The following ANO10 variants were observed in gnomAD, a reference collection of about 807,000 sequenced individuals.
ANO10 encodes anoctamin 10.
ANO10 carries 77 observed loss-of-function variants against 74.7 expected under a neutral mutation model. The ratio of observed to expected loss-of-function variants is 1.03; its 90% CI spans 0.86 to 1.25. ANO10 has a LOEUF of 1.25. Among genes scored for constraint, ANO10 ranks in the 50% most tolerant of loss-of-function variants. The probability of loss-of-function intolerance (pLI) is 0.00; values close to 1 mark genes in which losing one functional copy is unlikely to be tolerated. For synonymous variants in ANO10, 279 were observed against 284.9 expected, an observed-to-expected ratio of 0.98 and a Z score of 0.21; for missense variants, 721 against 778.1, an observed-to-expected ratio of 0.93 and a Z score of 0.87.
At chr3:43,618,404 A>G (rs754082016) in intron 1 of ANO10, among the ~76,000 whole-genome samples, 10 of 152,172 alleles carry the variant, frequency 6.6e-5, no homozygotes, top group Non-Finnish European at 1.5e-4. Context: ...CCTCTCACTC[A>G]TGCCTCCATC....
At chr3:43,589,533 G>A (rs2081630224) in intron 4 of ANO10, among the ~76,000 whole-genome samples, 1 of 152,066 alleles carries the variant, frequency 6.6e-6, no homozygotes, top group Admixed American at 6.6e-5. Flanking sequence ...AGAATTGCTT[G>A]AACCTGGGAG....
chr3:43,420,616 T>A (rs2092806165), intron 12 of ANO10, among the ~76,000 whole-genome samples: 3 of 152,166 alleles, frequency 2.0e-5, no homozygotes, highest in Non-Finnish European at 2.9e-5. Flanking sequence ...AGTTTTTTTT[T>A]AAGTGTGGTT....
chr3:43,597,149 C>A (rs2082127098), intron 4 of ANO10, among the ~76,000 whole-genome samples: 2 of 152,210 alleles, frequency 1.3e-5, no homozygotes, highest in South Asian at 4.1e-4. Flanking sequence ...AATAGGAACA[C>A]TTTTACACTG....
At chr3:43,539,514 C>T (rs1019274738) in intron 11 of ANO10, among the ~76,000 whole-genome samples, 9 of 152,106 alleles carry the variant, frequency 5.9e-5, no homozygotes, top group Non-Finnish European at 1.2e-4. Flanking sequence ...GGGTGACGCA[C>T]CTAGCAGGTC....
intron 1 of ANO10, among the ~76,000 whole-genome samples, chr3:43,661,957 G>C (rs2083931470): frequency 6.6e-6 from 1 of 152,030 alleles, no homozygotes; most frequent in African/African-American, 2.4e-5. Context: ...AATAATAATG[G>C]GAGACTGTAA....
intron 1 of ANO10, among the ~76,000 whole-genome samples, chr3:43,637,441 C>A (rs2083624458): frequency 6.6e-6 from 1 of 152,088 alleles, no homozygotes; most frequent in Non-Finnish European, 1.5e-5. Context: ...TGCACTCCAG[C>A]CTGGGCAACA....
chr3:43,551,030 G>A (rs1235107815), intron 10 of ANO10, among the ~76,000 whole-genome samples: 1 of 152,074 alleles, frequency 6.6e-6, no homozygotes, highest in East Asian at 1.9e-4. Flanking sequence ...GACTTTCTGT[G>A]TCAATACTAA....
At chr3:43,403,502 C>T (rs1193677569) in intron 12 of ANO10, among the ~76,000 whole-genome samples, 6 of 152,098 alleles carry the variant, frequency 3.9e-5, no homozygotes, top group Non-Finnish European at 7.4e-5. Context: ...GGAGAAGGGC[C>T]GGCTACTCCA....
chr3:43,592,621 A>G (rs186690943), intron 4 of ANO10, among the ~76,000 whole-genome samples: 129 of 152,300 alleles, frequency 8.5e-4, no homozygotes, highest in African/African-American at 2.8e-3. Flanking sequence ...AAGACCAAAG[A>G]TAGATAAAAT....
At chr3:43,479,024 T>C (rs539124806) in intron 11 of ANO10, among the ~76,000 whole-genome samples, 30 of 152,354 alleles carry the variant, frequency 2.0e-4, no homozygotes, top group African/African-American at 7.2e-4. Context: ...TAGATTATTG[T>C]GTTAATCAAG....
At chr3:43,549,880 G>A (rs764187460) in intron 10 of ANO10, 32 bp from the exon 11 acceptor site, 1 of 1,611,186 alleles carries the variant, frequency 6.2e-7, no homozygotes, top group Non-Finnish European at 8.5e-7. Flanking sequence ...ATTAAAAATT[G>A]CAATGACTGC....
intron 1 of ANO10, among the ~76,000 whole-genome samples, chr3:43,673,212 T>G (rs1449737662): frequency 6.6e-6 from 1 of 152,190 alleles, no homozygotes; most frequent in Non-Finnish European, 1.5e-5. Context: ...AACCAAGTAT[T>G]TATTGCTTCA....
intron 11 of ANO10, among the ~76,000 whole-genome samples, chr3:43,513,075 G>A (rs990713232): frequency 5.3e-5 from 8 of 152,212 alleles, no homozygotes; most frequent in Non-Finnish European, 1.2e-4. Flanking sequence ...GTCTGCAGGT[G>A]ATCTCCCTCA....
intron 12 of ANO10, among the ~76,000 whole-genome samples, chr3:43,416,077 C>A (rs1021709233): frequency 1.3e-5 from 2 of 151,224 alleles, no homozygotes; most frequent in East Asian, 3.9e-4. Context: ...AACAATATTT[C>A]TCACATATGA....
intron 11 of ANO10, among the ~76,000 whole-genome samples, chr3:43,519,623 C>A (rs745987789): frequency 6.6e-6 from 1 of 152,106 alleles, no homozygotes; most frequent in Non-Finnish European, 1.5e-5. Flanking sequence ...AGTGTTCACT[C>A]ATTTTCAAAA....
chr3:43,559,516 A>T (rs2079922639), intron 9 of ANO10, among the ~76,000 whole-genome samples: 1 of 152,182 alleles, frequency 6.6e-6, no homozygotes, highest in African/African-American at 2.4e-5. Context: ...ACAGCAGAAG[A>T]TGTGAAGAGT....
chr3:43,525,443 G>A (rs9829067), intron 11 of ANO10, among the ~76,000 whole-genome samples: 75,082 of 151,980 alleles, frequency 0.49, 20,623 homozygotes, highest in East Asian at 0.83. Context: ...GGTGCTTTGT[G>A]TTCATGCTAG....
chr3:43,369,433 G>A (rs962313763), intron 12 of ANO10, among the ~76,000 whole-genome samples: 3 of 152,268 alleles, frequency 2.0e-5, no homozygotes, highest in Non-Finnish European at 4.4e-5. Flanking sequence ...CCAGGCAGGA[G>A]CCATTTGCAC....
rs55764466 is a variant in ANO10, at chr3:43,667,072, G to GTTTTT, written c.-12+24440_-12+24444dup. Among the ~76,000 whole-genome samples, 44 of 56,138 alleles carry GTTTTT rather than the reference G, an allele frequency of 7.8e-4. 1 individual carries two copies. The highest frequency in any genetic ancestry group is 6.2e-3 in the East Asian group (10 of 1,614). The allele number at this position is 56,138 out of a possible 152,430, so 36.8% of individuals were successfully genotyped here. A position where few individuals can be genotyped will look rare whatever the true frequency, so the allele number is the denominator to read the frequency against. On this transcript the variant is annotated intron_variant, in intron 1 of 3. Transcript: ENST00000413397. Reference sequence around the variant, plus strand: ...CCTCATGCATTAAAATACAATGCATGTTTTTTTTTTTTTTTTTTTTTTTTT... The same window carrying GTTTTT: ...CCTCATGCATTAAAATACAATGCATGTTTTTTTTTTTTTTTTTTTTTTTTTTTTTT...
Sources: gnomAD v4.1 joint callset for allele counts (sites outside exome capture counted in the v4.1 genomes callset) on GRCh38, gnomAD v4.1.1 for gene constraint, MANE v1.5 for transcripts, NCBI Gene and HGNC (gene_info 2026-07-23, HGNC 2026-07-21) for gene names.